PTPRD: variants seen among roughly 807,000 people sequenced by gnomAD.
PTPRD encodes the protein receptor-type tyrosine-protein phosphatase delta.
Under a neutral mutation model 214.5 loss-of-function variants are expected in PTPRD, and 34 were observed. The observed-to-expected ratio is 0.16, with a 90% confidence interval of 0.12 to 0.21. The LOEUF (loss-of-function observed/expected upper bound fraction) is 0.21, where lower values mean the gene tolerates loss of function less well. PTPRD is among the 10% of genes least tolerant of loss of function. PTPRD has a pLI of 1.00. For synonymous variants in PTPRD, 1,128 were observed against 845.7 expected (o/e 1.33, Z -5.79); for missense variants, 2,545 against 2,398.7 (o/e 1.06, Z -1.27).
intron 2 of PTPRD, among the ~76,000 whole-genome samples, chr9:10,495,827 G>C (rs920286851): frequency 2.0e-5 from 3 of 151,614 alleles, no homozygotes; most frequent in African/African-American, 7.3e-5. Context: ...AATGGTATAT[G>C]TTACATAGAA....
At chr9:9,272,197 T>G (rs1247924354) in intron 9 of PTPRD, among the ~76,000 whole-genome samples, 2 of 151,288 alleles carry the variant, frequency 1.3e-5, no homozygotes, top group African/African-American at 4.8e-5. Flanking sequence ...GGGTCGTTTA[T>G]GTAATGAAAG....
intron 10 of PTPRD, among the ~76,000 whole-genome samples, chr9:9,096,624 A>T (rs10977485): frequency 0.14 from 21,116 of 152,084 alleles, 1,691 homozygotes; most frequent in East Asian, 0.23. Context: ...TTACATAGAG[A>T]TTATCAGAAT....
At chr9:9,247,928 G>C (rs754204529) in intron 9 of PTPRD, among the ~76,000 whole-genome samples, 1 of 151,986 alleles carries the variant, frequency 6.6e-6, no homozygotes, top group Admixed American at 6.6e-5. Flanking sequence ...TTGCTTTACA[G>C]TTATTCAAAT....
chr9:9,122,417 A>C (rs1301145902), intron 10 of PTPRD, among the ~76,000 whole-genome samples: 1 of 152,234 alleles, frequency 6.6e-6, no homozygotes, highest in East Asian at 1.9e-4. Context: ...GAAATGGATG[A>C]GTCAGCAAAT....
At chr9:9,651,649 G>T (rs1192354064) in intron 7 of PTPRD, among the ~76,000 whole-genome samples, 1 of 151,836 alleles carries the variant, frequency 6.6e-6, no homozygotes, top group Non-Finnish European at 1.5e-5. Flanking sequence ...ATCATTCATG[G>T]GCATTTAGCT....
At chr9:10,435,457 T>C (rs552429297) in intron 2 of PTPRD, among the ~76,000 whole-genome samples, 47 of 152,056 alleles carry the variant, frequency 3.1e-4, no homozygotes, top group African/African-American at 1.1e-3. Flanking sequence ...CATGGTCTTA[T>C]GAGTAAAGAG....
chr9:8,764,725 C>G (rs1033168921), intron 11 of PTPRD, among the ~76,000 whole-genome samples: 2 of 151,668 alleles, frequency 1.3e-5, no homozygotes, highest in African/African-American at 4.8e-5. Flanking sequence ...AACCCGGGAG[C>G]TGGAGGTTGC....
At chr9:10,504,690 C>T (rs982960640) in intron 2 of PTPRD, among the ~76,000 whole-genome samples, 2 of 152,132 alleles carry the variant, frequency 1.3e-5, no homozygotes, top group East Asian at 3.9e-4. Flanking sequence ...GAGAAAGAAA[C>T]TGAGATTCAG....
At chr9:9,551,404 G>C (rs2080194555) in intron 8 of PTPRD, among the ~76,000 whole-genome samples, 1 of 151,914 alleles carries the variant, frequency 6.6e-6, no homozygotes, top group Non-Finnish European at 1.5e-5. Flanking sequence ...TCCAGTGGTA[G>C]TACTAGGCAA....
chr9:8,994,391 A>AT (rs2099388606), intron 11 of PTPRD, among the ~76,000 whole-genome samples: 1 of 152,174 alleles, frequency 6.6e-6, no homozygotes, highest in East Asian at 1.9e-4. Context: ...ATGCTTAGTA[A>AT]GCAGTACATG....
chr9:8,654,493 G>A (rs927890533), intron 12 of PTPRD, among the ~76,000 whole-genome samples: 1 of 152,028 alleles, frequency 6.6e-6, no homozygotes, highest in African/African-American at 2.4e-5. Context: ...AGCATATTTG[G>A]TTAAAGCCAA....
chr9:9,117,925 A>T (rs2099813892), intron 10 of PTPRD, among the ~76,000 whole-genome samples: 1 of 152,144 alleles, frequency 6.6e-6, no homozygotes, highest in Non-Finnish European at 1.5e-5. Context: ...TGGCATCTGA[A>T]GTTTACACGA....
At chr9:9,181,880 T>C (rs934273446) in intron 10 of PTPRD, among the ~76,000 whole-genome samples, 9 of 152,056 alleles carry the variant, frequency 5.9e-5, no homozygotes, top group Non-Finnish European at 1.3e-4. Flanking sequence ...AAATAAGTAC[T>C]TTGGACTCCC....
Position 8,460,530 on chromosome 9 carries a change from T to C in PTPRD, c.3756A>G (p.Ser1252=), listed in dbSNP as rs1242544470. Residue 1252 remains serine (S), a synonymous_variant, in exon 33 of 46, where the codon TCA becomes TCG. Transcript: ENST00000381196. ...ATSPYSDPVV[S]MDLDPQPITD... ...TGATTGGCTGCGGATCCAGATCCAT[T>C]GACACCACGGGGTCGGAGTAAGGGC... 3.1e-6 allele frequency: 5 copies of C among 1,613,410 alleles called. No homozygotes were observed. In the African/African-American group the frequency reaches 4.0e-5, roughly 13 times the overall value.
At chr9:9,907,856 A>G (rs1027003478) in intron 5 of PTPRD, among the ~76,000 whole-genome samples, 1 of 152,010 alleles carries the variant, frequency 6.6e-6, no homozygotes, top group African/African-American at 2.4e-5. Flanking sequence ...CATTTTCATC[A>G]CTCATACCAG....
At chr9:10,524,494 CATAAA>C (rs2053596102) in intron 2 of PTPRD, among the ~76,000 whole-genome samples, 1 of 151,518 alleles carries the variant, frequency 6.6e-6, no homozygotes, top group African/African-American at 2.4e-5. Context: ...CACCATAAGC[CATAAA>C]ATAAAAATAT....
At chr9:9,040,034 C>T (rs2099634535) in intron 10 of PTPRD, among the ~76,000 whole-genome samples, 1 of 151,766 alleles carries the variant, frequency 6.6e-6, no homozygotes, top group Non-Finnish European at 1.5e-5. Context: ...GATGAGGAAG[C>T]TACAATTCAG....
intron 9 of PTPRD, among the ~76,000 whole-genome samples, chr9:9,245,962 C>T (rs192902822): frequency 2.7e-4 from 41 of 152,114 alleles, no homozygotes; most frequent in African/African-American, 6.7e-4. Context: ...CCTTATAAAA[C>T]GTTCAAGCAA....
chr9:8,825,465 A>C (rs964621329), intron 11 of PTPRD, among the ~76,000 whole-genome samples: 7 of 152,214 alleles, frequency 4.6e-5, no homozygotes, highest in Non-Finnish European at 1.0e-4. Context: ...GAGAGAAATA[A>C]ATATGCTCTA....
Sources: gnomAD v4.1 joint callset for allele counts (sites outside exome capture counted in the v4.1 genomes callset) on GRCh38, gnomAD v4.1.1 for gene constraint, MANE v1.5 for transcripts, NCBI Gene and HGNC (gene_info 2026-07-23, HGNC 2026-07-21) for gene names.